TBCCD1: variants seen among roughly 807,000 people sequenced by gnomAD.
TBCCD1 encodes the protein TBCC domain containing 1, also known as TBCC domain-containing protein 1.
Under a neutral mutation model 53.4 loss-of-function variants are expected in TBCCD1, and 26 were observed. The observed-to-expected ratio is 0.49, with a 90% CI of 0.36 to 0.68. The LOEUF (loss-of-function observed/expected upper bound fraction) is 0.68. Among genes scored for constraint, TBCCD1 ranks in the 30% least tolerant of loss-of-function variants. The pLI is 0.00. For missense variants in TBCCD1, 558 were observed against 669.5 expected, an observed-to-expected ratio of 0.83 and a Z score of 1.84; for synonymous variants, 245 against 241.7, an observed-to-expected ratio of 1.01 and a Z score of -0.13.
intron 4 of TBCCD1, among the ~76,000 whole-genome samples, chr3:186,555,945 AC>A (rs1252460559): frequency 6.6e-6 from 1 of 152,096 alleles, no homozygotes; most frequent in Non-Finnish European, 1.5e-5. Context: ...CTCAAAAAAT[AC>A]GCGCAGGTTC....
rs1385619464 is a variant in TBCCD1, at chr3:186,554,996, G to A, written c.948C>T (p.Tyr316=). ...MHRLVVMSQV[Y]KQTLAKSSDT... ...CTGAGCTCTTAGCCAGTGTCTGCTT[G>A]TAAACCTGGCTCATCACTACCAGTC... Residue 316 remains tyrosine, a synonymous_variant, in exon 5 of 8, where the codon TAC becomes TAT. Transcript: ENST00000338733. 1 of 1,613,876 alleles carries A rather than the reference G, an allele frequency of 6.2e-7. No homozygotes were observed. The highest frequency in any genetic ancestry group is 1.3e-5 in the African/African-American group (1 of 74,896).
chr3:186,554,208 G>T (rs760862538), intron 6 of TBCCD1, 46 bp downstream of exon 6: 1 of 1,598,398 alleles, frequency 6.3e-7, no homozygotes, highest in Non-Finnish European at 8.5e-7. Flanking sequence ...GTTTCTCCAT[G>T]GAGTTTCACA....
chr3:186,553,338 G>A (rs1316017693), intron 6 of TBCCD1: 5 of 152,094 alleles, frequency 3.3e-5, no homozygotes, highest in African/African-American at 1.2e-4. Context: ...TCAAACAACA[G>A]AACTGCTTTA....
In TBCCD1 at chr3:186,563,989, C is replaced by T. The variant is rs778242916; in HGVS notation, c.336+5G>A. 4.4e-5 allele frequency: 70 copies of T among 1,599,050 alleles called. 1 individual carries two copies. Among genetic ancestry groups the T allele is most frequent in the East Asian group, 3.8e-4 (17 of 44,756 alleles). On this transcript the variant is annotated splice_donor_5th_base_variant and intron_variant, in intron 2 of 7. Coordinates refer to ENST00000338733, the MANE Select transcript of TBCCD1 (RefSeq NM_018138.5). ...AATTAAGTATACACACATATCAATC[C>T]GTACCTGATTTCTCTGCTTTTCAAC...
chr3:186,566,527 C>G (rs1046001562), intron 1 of TBCCD1, among the ~76,000 whole-genome samples: 22 of 152,086 alleles, frequency 1.4e-4, no homozygotes, highest in Non-Finnish European at 2.8e-4. Context: ...TGAGGCTTAG[C>G]GAAGTTAAGG....
intron 2 of TBCCD1, among the ~76,000 whole-genome samples, chr3:186,560,905 G>A (rs1277789135): frequency 6.6e-6 from 1 of 152,188 alleles, no homozygotes; most frequent in Admixed American, 6.5e-5. Context: ...ATGATGCTGA[G>A]AAAACTGGAT....
chr3:186,563,816 C>T (rs1290611584), intron 2 of TBCCD1, among the ~76,000 whole-genome samples, 178 bp downstream of exon 2: 4 of 152,178 alleles, frequency 2.6e-5, no homozygotes, highest in Non-Finnish European at 5.9e-5. Flanking sequence ...GTAATCCTAA[C>T]ATTTTGGGAG....
intron 2 of TBCCD1, among the ~76,000 whole-genome samples, chr3:186,560,275 G>A (rs760549165): frequency 2.6e-5 from 4 of 152,086 alleles, no homozygotes; most frequent in African/African-American, 9.7e-5. Flanking sequence ...CTACTATACC[G>A]AGTACATAGT....
At chr3:186,549,511 A>G (rs928014691) in intron 7 of TBCCD1, among the ~76,000 whole-genome samples, 6 of 152,160 alleles carry the variant, frequency 3.9e-5, no homozygotes, top group Non-Finnish European at 5.9e-5. Context: ...GTCTCTAAAG[A>G]AAAATAAAAA....
chr3:186,547,957 C>A (rs1714262305), intron 7 of TBCCD1, among the ~76,000 whole-genome samples: 1 of 152,198 alleles, frequency 6.6e-6, no homozygotes, highest in Admixed American at 6.5e-5. Flanking sequence ...TACACTTTTA[C>A]AGCTTTGGAA....
intron 1 of TBCCD1, among the ~76,000 whole-genome samples, chr3:186,566,447 CTCCTTTCA>C (rs1199979086): frequency 2.6e-5 from 4 of 152,154 alleles, no homozygotes; most frequent in Admixed American, 2.6e-4. Context: ...CATACTTCAC[CTCCTTTCA>C]TCCTCACAAC....
Position 186,549,600 on chromosome 3 carries a change from G to A in TBCCD1, c.*21+1529C>T, listed in dbSNP as rs889470077. The stretch of plus-strand genomic sequence containing the variant: ...TTGAGCGCAGGAGTTGGAGGCTGCA[G>A]TGAGCTATGATTGTGCCACTGCACT... On this transcript the variant is annotated intron_variant, in intron 7 of 7. Coordinates refer to ENST00000338733, the MANE Select transcript of TBCCD1 (RefSeq NM_018138.5). Among the ~76,000 whole-genome samples, 5 of 152,250 alleles carry A rather than the reference G, an allele frequency of 3.3e-5. No homozygotes were observed. In the South Asian group the frequency reaches 6.2e-4, roughly 19 times the overall value.
chr3:186,560,334 T>G (rs1164530095), intron 2 of TBCCD1, among the ~76,000 whole-genome samples: 1 of 152,202 alleles, frequency 6.6e-6, no homozygotes, highest in Non-Finnish European at 1.5e-5. Flanking sequence ...CTTTCCCTCT[T>G]CATTGCTTGA....
chr3:186,548,142 A>C (rs987293554), intron 7 of TBCCD1, among the ~76,000 whole-genome samples: 2 of 152,180 alleles, frequency 1.3e-5, no homozygotes, highest in Admixed American at 1.3e-4. Context: ...ACTGATCAAC[A>C]GATAAACAAA....
At chr3:186,570,455 C>T, upstream of TBCCD1, 1 of 481,900 alleles carries the variant, frequency 2.1e-6, no homozygotes, top group Admixed American at 4.1e-5. Context: ...TGCCCTCACT[C>T]TGACCGGCCC....
chr3:186,564,345 A>G lies in TBCCD1; in HGVS notation c.-16T>C. 6.4e-7 allele frequency: 1 copy of G among 1,573,708 alleles called. No individual in the cohort carries two copies. The highest frequency in any genetic ancestry group is 1.2e-5 in the South Asian group (1 of 85,868). On this transcript the variant is annotated 5_prime_UTR_variant, in exon 2 of 8. The change abolishes an upstream ATG in the 5' untranslated region. Transcript: ENST00000338733. ...ACTGATCCATATTATCTCTAAGGAC[A>G]TCAGGGTGAAAAGGCTTCTTTGCAT...
chr3:186,553,216 A>G (rs1414836929), intron 6 of TBCCD1: 2 of 152,228 alleles, frequency 1.3e-5, no homozygotes, highest in African/African-American at 4.8e-5. Context: ...CAGTCTGCAC[A>G]TGTATATGCA....
intron 1 of TBCCD1, among the ~76,000 whole-genome samples, chr3:186,565,856 A>G (rs1165240393): frequency 6.6e-6 from 1 of 152,230 alleles, no homozygotes; most frequent in African/African-American, 2.4e-5. Context: ...TTGCTTCCAA[A>G]TGATTTTATC....
chr3:186,561,837 G>C (rs1714699593), intron 2 of TBCCD1, among the ~76,000 whole-genome samples: 1 of 151,992 alleles, frequency 6.6e-6, no homozygotes, highest in Non-Finnish European at 1.5e-5. Context: ...AAATAAAAAA[G>C]AGAACTACCA....
Sources: allele counts gnomAD v4.1 joint callset (sites outside exome capture counted in the v4.1 genomes callset), GRCh38; gene constraint gnomAD v4.1.1; transcripts MANE v1.5; gene names NCBI Gene and HGNC (gene_info 2026-07-23, HGNC 2026-07-21).